The following TRHDE variants were observed in gnomAD, a reference collection of about 807,000 sequenced individuals.
The protein encoded by TRHDE is thyrotropin-releasing hormone-degrading ectoenzyme.
A neutral mutation model predicts 125.7 loss-of-function variants in TRHDE; 72 were observed. That is an observed-to-expected ratio of 0.57 (90% CI 0.47 to 0.70). The LOEUF is 0.70. Ranked by LOEUF, TRHDE falls within the 30% of genes least tolerant of loss-of-function variation. TRHDE has a pLI of 0.00. For synonymous variants in TRHDE, 509 were observed against 509.1 expected, an observed-to-expected ratio of 1.00 and a Z score of 0.00; for missense variants, 1,110 against 1,327.1, an observed-to-expected ratio of 0.84 and a Z score of 2.54.
In TRHDE at chr12:72,342,437, T is replaced by C. The variant is rs141141979; in HGVS notation, c.1189-35558T>C. ...GAGATTCCTGGTATTTGCTAAAAAT[T>C]TGAGACATATCTCTCCCTAAATAGT... On this transcript the variant is annotated intron_variant, in intron 2 of 18. Coordinates refer to ENST00000261180, the MANE Select transcript of TRHDE (RefSeq NM_013381.3). 6.8e-3 allele frequency among the ~76,000 whole-genome samples: 1,037 copies of C among 152,214 alleles called. 10 individuals carry two copies. Among genetic ancestry groups the C allele is most frequent in the African/African-American group, 0.024 (985 of 41,562 alleles).
intron 2 of TRHDE, among the ~76,000 whole-genome samples, chr12:72,290,561 T>G (rs189383017): frequency 6.6e-6 from 1 of 152,222 alleles, no homozygotes; most frequent in Non-Finnish European, 1.5e-5. Flanking sequence ...TGGTGGCAAC[T>G]TCTCTGTGTT....
chr12:72,294,640 G>A (rs1463301844), intron 2 of TRHDE, among the ~76,000 whole-genome samples: 1 of 152,122 alleles, frequency 6.6e-6, no homozygotes, highest in Non-Finnish European at 1.5e-5. Context: ...CCGGGAAAAG[G>A]CACCACAAGT....
At chr12:72,345,220 A>G (rs910737411) in intron 2 of TRHDE, among the ~76,000 whole-genome samples, 1 of 152,134 alleles carries the variant, frequency 6.6e-6, no homozygotes. Context: ...TTAAAGATTA[A>G]TTGGTTTTAT....
At chr12:72,339,918 T>C (rs10879403) in intron 2 of TRHDE, among the ~76,000 whole-genome samples, 18,872 of 152,116 alleles carry the variant, frequency 0.12, 1,756 homozygotes, top group East Asian at 0.47. Flanking sequence ...GCAAAATAAA[T>C]GACTGTCTGA....
intron 2 of TRHDE, among the ~76,000 whole-genome samples, chr12:72,145,241 A>G (rs562864726): frequency 1.3e-5 from 2 of 152,312 alleles, no homozygotes; most frequent in Admixed American, 1.3e-4. Flanking sequence ...GACAATTTCC[A>G]GAGATTTTAA....
chr12:72,457,155 C>T (rs767421638), intron 3 of TRHDE, among the ~76,000 whole-genome samples: 14 of 151,936 alleles, frequency 9.2e-5, no homozygotes, highest in Admixed American at 2.6e-4. Flanking sequence ...GTATTTCGAA[C>T]GGAAAGTCTA....
At position 72,628,315 on chromosome 12, in the gene TRHDE, A is replaced by G. The variant is rs148625450; in HGVS notation, c.2675+6564A>G. Among the ~76,000 whole-genome samples, 9 of 152,000 alleles carry G rather than the reference A, an allele frequency of 5.9e-5. No homozygotes were observed. The East Asian group carries it at 1.6e-3, about 26-fold the overall frequency. On this transcript the variant is annotated intron_variant, in intron 15 of 18. Coordinates refer to ENST00000261180, the MANE Select transcript of TRHDE (RefSeq NM_013381.3). Reference sequence around the variant, plus strand: ...AAGTTCACTTCCCTGCAGAATGGCAACTGAACTGGGGTCTACAGGAGAGAT... The same window carrying G: ...AAGTTCACTTCCCTGCAGAATGGCAGCTGAACTGGGGTCTACAGGAGAGAT...
intron 1 of TRHDE, among the ~76,000 whole-genome samples, chr12:72,105,049 C>T (rs1026029324): frequency 6.6e-6 from 1 of 152,116 alleles, no homozygotes; most frequent in African/African-American, 2.4e-5. Flanking sequence ...GTGTGAAGTA[C>T]TTCAAGGAGG....
chr12:72,428,743 G>A (rs1450832325), intron 3 of TRHDE, among the ~76,000 whole-genome samples: 1 of 151,992 alleles, frequency 6.6e-6, no homozygotes, highest in Admixed American at 6.6e-5. Context: ...ACCTAAAAAG[G>A]AAACCCCATT....
chr12:72,365,722 C>G (rs767923234), intron 2 of TRHDE, among the ~76,000 whole-genome samples: 27 of 152,128 alleles, frequency 1.8e-4, no homozygotes, highest in Non-Finnish European at 3.4e-4. Flanking sequence ...AGTGAATTAA[C>G]TGGCAAGAAG....
At chr12:72,185,992 A>T (rs1295100364) in intron 2 of TRHDE, among the ~76,000 whole-genome samples, 1 of 152,200 alleles carries the variant, frequency 6.6e-6, no homozygotes, top group Admixed American at 6.5e-5. Flanking sequence ...AGCACCAATC[A>T]GCCTGACAAA....
intron 2 of TRHDE, among the ~76,000 whole-genome samples, chr12:72,229,830 C>G (rs1311102358): frequency 1.3e-5 from 2 of 152,016 alleles, no homozygotes; most frequent in African/African-American, 4.8e-5. Context: ...CTAATGCACA[C>G]TAGAAGAATA....
chr12:72,188,774 C>G (rs1877280410), intron 2 of TRHDE, among the ~76,000 whole-genome samples: 1 of 152,162 alleles, frequency 6.6e-6, no homozygotes. Flanking sequence ...TTGGAAAAGA[C>G]TTAGGGAAGG....
chr12:72,191,490 A>C (rs975229420), intron 2 of TRHDE, among the ~76,000 whole-genome samples: 2 of 152,120 alleles, frequency 1.3e-5, no homozygotes, highest in African/African-American at 4.8e-5. Flanking sequence ...TTTCTTTCTG[A>C]ACCCTGACTG....
At chr12:72,437,695 C>A (rs765951752) in intron 3 of TRHDE, among the ~76,000 whole-genome samples, 1 of 151,722 alleles carries the variant, frequency 6.6e-6, no homozygotes, top group Non-Finnish European at 1.5e-5. Context: ...TTATCATAAA[C>A]AACATAATAT....
intron 3 of TRHDE, among the ~76,000 whole-genome samples, chr12:72,448,985 A>G (rs1247793180): frequency 4.6e-5 from 7 of 152,046 alleles, no homozygotes; most frequent in African/African-American, 1.7e-4. Context: ...CAGAGTGGAA[A>G]TGAAACATTT....
At chr12:72,090,062 G>A (rs965903166) in intron 1 of TRHDE, among the ~76,000 whole-genome samples, 1 of 152,118 alleles carries the variant, frequency 6.6e-6, no homozygotes, top group African/African-American at 2.4e-5. Flanking sequence ...GAGGATTTGG[G>A]AAAAAGGAAG....
intron 5 of TRHDE, among the ~76,000 whole-genome samples, chr12:72,494,943 T>C (rs1264022653): frequency 6.6e-6 from 1 of 152,010 alleles, no homozygotes. Context: ...AGCACATATC[T>C]TTTTAGATAT....
rs1879357958 is a variant in TRHDE, at chr12:72,273,659, G to C, written c.914+102G>C. The C allele has an allele frequency of 8.7e-7, 1 of 1,143,028 alleles. No individual in the cohort carries two copies. Among genetic ancestry groups the C allele is most frequent in the Non-Finnish European group, 1.2e-6 (1 of 808,382 alleles). The allele number at this position is 1,143,028 out of a possible 1,614,324, so 70.8% of individuals were successfully genotyped here. On this transcript the variant is annotated intron_variant, in intron 1 of 18. Coordinates refer to ENST00000261180, the MANE Select transcript of TRHDE (RefSeq NM_013381.3). This position sits in a 1 kb window ranked among gnomAD's most constrained non-coding sequence, Gnocchi z 5.3. Reference sequence around the variant, plus strand: ...GGACCCAGCTGGCTTCCAATACCCGGGAAGCCAGGGGTGGGGGGAAGGAAA... The same window carrying C: ...GGACCCAGCTGGCTTCCAATACCCGCGAAGCCAGGGGTGGGGGGAAGGAAA...
Sources: gnomAD v4.1 joint callset for allele counts (sites outside exome capture counted in the v4.1 genomes callset) on GRCh38, gnomAD v4.1.1 for gene constraint, Gnocchi (gnomAD v3.1) non-coding constraint, MANE v1.5 for transcripts, NCBI Gene and HGNC (gene_info 2026-07-23, HGNC 2026-07-21) for gene names.